DCAF12: variants seen among roughly 807,000 people sequenced by gnomAD.
DCAF12 encodes the protein DDB1 and CUL4 associated factor 12.
DCAF12 carries 28 observed loss-of-function variants against 52.8 expected under a neutral mutation model. That is an observed-to-expected ratio of 0.53 (90% confidence interval 0.39 to 0.73). The LOEUF (loss-of-function observed/expected upper bound fraction) is 0.73. Ranked by LOEUF, DCAF12 falls within the 30% of genes least tolerant of loss-of-function variation. DCAF12 has a pLI of 0.00. For missense variants in DCAF12, 425 were observed against 552.2 expected (o/e 0.77, Z 2.31); for synonymous variants, 196 against 215.5 (o/e 0.91, Z 0.79).
At chr9:34,118,759 T>C (rs1829125064) in intron 2 of DCAF12, among the ~76,000 whole-genome samples, 1 of 150,082 alleles carries the variant, frequency 6.7e-6, no homozygotes, top group East Asian at 2.0e-4. Context: ...AGGTCAGGAG[T>C]TCAAAACCAG....
intron 2 of DCAF12, among the ~76,000 whole-genome samples, chr9:34,115,805 T>C (rs912308166): frequency 2.6e-5 from 4 of 152,176 alleles, no homozygotes; most frequent in Admixed American, 6.6e-5. Flanking sequence ...AAAACCCACC[T>C]GGGCTCAGGC....
chr9:34,100,669 AT>A (rs554051217), intron 4 of DCAF12, among the ~76,000 whole-genome samples: 3,412 of 135,704 alleles, frequency 0.025, 119 homozygotes, highest in African/African-American at 0.08. Flanking sequence ...TAATTTTTGC[AT>A]TTTTTTTTTT....
At chr9:34,117,107 C>T (rs1341158442) in intron 2 of DCAF12, among the ~76,000 whole-genome samples, 1 of 152,166 alleles carries the variant, frequency 6.6e-6, no homozygotes, top group Non-Finnish European at 1.5e-5. Flanking sequence ...AGTAATGGTA[C>T]TTCATAATAG....
At chr9:34,100,098 A>G (rs907157256) in intron 4 of DCAF12, among the ~76,000 whole-genome samples, 2 of 151,350 alleles carry the variant, frequency 1.3e-5, no homozygotes, top group African/African-American at 4.9e-5. Flanking sequence ...ATAGTGGCAC[A>G]ATCATAGCTC....
At chr9:34,114,290 C>T (rs1290017810) in intron 2 of DCAF12, among the ~76,000 whole-genome samples, 11 of 152,088 alleles carry the variant, frequency 7.2e-5, no homozygotes, top group East Asian at 3.9e-4. Context: ...TGGCTGGATG[C>T]GGTGGCTCAC....
At chr9:34,102,476 C>T (rs1367798536) in intron 4 of DCAF12, among the ~76,000 whole-genome samples, 2 of 151,734 alleles carry the variant, frequency 1.3e-5, no homozygotes, top group East Asian at 2.0e-4. Context: ...ACCTGACCAA[C>T]ATGGTGAAAC....
At chr9:34,105,893 C>T (rs539886789) in intron 4 of DCAF12, among the ~76,000 whole-genome samples, 12 of 151,106 alleles carry the variant, frequency 7.9e-5, no homozygotes, top group Non-Finnish European at 1.6e-4. Context: ...GGACTACAAG[C>T]GCCCACGACC....
chr9:34,089,464 T>G lies in DCAF12; in HGVS notation c.1151A>C (p.Lys384Thr). The G allele has an allele frequency of 6.2e-7, 1 of 1,614,194 alleles. No individual in the cohort carries two copies. Among genetic ancestry groups the G allele is most frequent in the South Asian group, 1.1e-5 (1 of 91,088 alleles). The change falls in exon 8 of 9, where the codon AAG becomes ACG. Residue 384 changes from lysine to threonine, a missense_variant. Lys to Thr is a moderately conservative substitution (Grantham distance 78, BLOSUM62 -1). Transcript: ENST00000361264. ...CAGATTCTCCCCTGCTAGTCTGGGC[T>G]TGGACCCATAACAAGCTGAGAGCCT... is the stretch of plus-strand genomic sequence containing the variant. Reference protein sequence around the residue: ...EERLSACYGSKPRLAGENLKL... With the variant: ...EERLSACYGSTPRLAGENLKL...
In DCAF12 at chr9:34,086,845, G is replaced by C. The variant is rs1331059621; in HGVS notation, c.*1505C>G. 1 of 152,086 alleles carries C rather than the reference G, an allele frequency of 6.6e-6. No individual in the cohort carries two copies. Among genetic ancestry groups the C allele is most frequent in the Admixed American group, 6.6e-5 (1 of 15,228 alleles). 9.4% of individuals were successfully genotyped at this position (152,086 alleles called of 1,614,324 possible). ...TCCCTTCTTACACCCAGAGAAGAGG[G>C]GGACAACTGGGAGAACAAGTTAAAA... On this transcript the variant is annotated 3_prime_UTR_variant, in exon 9 of 9. Coordinates refer to ENST00000361264, the MANE Select transcript of DCAF12 (RefSeq NM_015397.4).
intron 6 of DCAF12, chr9:34,096,275 A>T (rs1223183869): frequency 6.5e-6 from 1 of 153,556 alleles, no homozygotes; most frequent in Non-Finnish European, 1.4e-5. Context: ...GCTACTTGGG[A>T]GGCTGAGGCA....
intron 1 of DCAF12, among the ~76,000 whole-genome samples, chr9:34,126,012 G>A (rs1005924281): frequency 2.6e-5 from 4 of 152,136 alleles, no homozygotes; most frequent in Non-Finnish European, 5.9e-5. Context: ...GCCCATGGAA[G>A]GTAGAGTTCA....
rs1336716407 is a variant in DCAF12 at position 34,087,533 on chromosome 9, G to T, written c.*817C>A. ...CTGGATGGTGAGTCTGATGTTTTAG[G>T]GGTGTGGCTACTGGCTAAGCAGATG... On this transcript the variant is annotated 3_prime_UTR_variant, in exon 9 of 9. Coordinates refer to ENST00000361264, the MANE Select transcript of DCAF12 (RefSeq NM_015397.4). 1 of 152,186 alleles carries T rather than the reference G, an allele frequency of 6.6e-6. No homozygotes were observed. The highest frequency in any genetic ancestry group is 2.4e-5 in the African/African-American group (1 of 41,416). 9.4% of individuals were successfully genotyped at this position (152,186 alleles called of 1,614,324 possible).
At position 34,126,433 on chromosome 9, in the gene DCAF12, G is replaced by A; in HGVS notation, c.-2C>T. On this transcript the variant is annotated 5_prime_UTR_variant, in exon 1 of 9. Transcript: ENST00000361264. ...CCTGCTAACTACTTTCCGGGCCATA[G>A]TGGGCAGCGCCGCCGCGGCCCCGCA... 3.1e-6 allele frequency: 5 copies of A among 1,605,742 alleles called. No homozygotes were observed. Among genetic ancestry groups the A allele is most frequent in the Non-Finnish European group, 4.2e-6 (5 of 1,179,430 alleles).
At chr9:34,106,194 G>A (rs1360466330) in intron 4 of DCAF12, among the ~76,000 whole-genome samples, 1 of 152,150 alleles carries the variant, frequency 6.6e-6, no homozygotes, top group Non-Finnish European at 1.5e-5. Context: ...CTGGGCTCAA[G>A]CAATCCTCCT....
chr9:34,097,461 T>C (rs1401792388), intron 5 of DCAF12, among the ~76,000 whole-genome samples: 1 of 151,892 alleles, frequency 6.6e-6, no homozygotes, highest in Non-Finnish European at 1.5e-5. Context: ...TTTACCATGT[T>C]GGCCCAGGCT....
At chr9:34,099,681 C>T (rs1453224319) in intron 4 of DCAF12, among the ~76,000 whole-genome samples, 1 of 151,852 alleles carries the variant, frequency 6.6e-6, no homozygotes, top group Non-Finnish European at 1.5e-5. Context: ...GCAACCACCA[C>T]CTCCCGGGTT....
In DCAF12 at chr9:34,096,736, C is replaced by T. The variant is rs2131428488; in HGVS notation, c.841G>A (p.Ala281Thr). ...CACACCTTAGATAGTGTATTTTCAG[C>T]CTTCCAGAGATGAAAGTAGCCATCC... ...SLDGYFHLWK[A>T]ENTLSKLLST... Residue 281 changes from alanine (A) to threonine (T), a missense_variant, in exon 6 of 9, where the codon GCT (alanine) becomes ACT (threonine). Transcript: ENST00000361264. 6.2e-7 allele frequency: 1 copy of T among 1,613,988 alleles called. No homozygotes were observed. The highest frequency in any genetic ancestry group is 1.1e-5 in the South Asian group (1 of 91,070).
At position 34,089,564 on chromosome 9, in the gene DCAF12, G is replaced by C. The variant is rs1828612823; in HGVS notation, c.1051C>G (p.His351Asp). Residue 351 changes from histidine to aspartate, a missense_variant, in exon 8 of 9, where the codon CAC (histidine) becomes GAC (aspartate). Coordinates refer to ENST00000361264, the MANE Select transcript of DCAF12 (RefSeq NM_015397.4). ...TGCCCTGTTCCCACAGTGATGATGT[G>C]CTCGTAGAAACTCACTGACCGGATT... ...SGIRSVSFYE[H>D]IITVGTGQGS... 2.5e-6 allele frequency: 4 copies of C among 1,608,480 alleles called. No individual in the cohort carries two copies. Among genetic ancestry groups the C allele is most frequent in the Non-Finnish European group, 3.4e-6 (4 of 1,177,230 alleles).
intron 4 of DCAF12, among the ~76,000 whole-genome samples, chr9:34,101,001 C>T (rs1403065438): frequency 6.6e-6 from 1 of 151,260 alleles, no homozygotes; most frequent in African/African-American, 2.4e-5. Flanking sequence ...TCAGGGAGAC[C>T]CATGGATTTC....
Sources: gnomAD v4.1 joint callset for allele counts (sites outside exome capture counted in the v4.1 genomes callset) on GRCh38, gnomAD v4.1.1 for gene constraint, MANE v1.5 for transcripts, NCBI Gene and HGNC (gene_info 2026-07-23, HGNC 2026-07-21) for gene names.